The following UBE2O variants were observed in gnomAD, a reference collection of about 807,000 sequenced individuals.
UBE2O encodes the protein ubiquitin conjugating enzyme E2 O.
A neutral mutation model predicts 125.8 loss-of-function variants in UBE2O; 15 were observed. The observed-to-expected ratio is 0.12, with a 90% CI of 0.08 to 0.18. UBE2O has a LOEUF of 0.18. UBE2O is among the 10% of genes least tolerant of loss of function. UBE2O has a pLI of 1.00. For synonymous variants in UBE2O, 708 were observed against 703.2 expected, an observed-to-expected ratio of 1.01 and a Z score of -0.11; for missense variants, 1,280 against 1,723.6, an observed-to-expected ratio of 0.74 and a Z score of 4.56.
chr17:76,408,658 G>A (rs753736949), intron 1 of UBE2O, among the ~76,000 whole-genome samples: 19 of 152,350 alleles, frequency 1.2e-4, no homozygotes, highest in Admixed American at 2.0e-4. Flanking sequence ...CACTGACTGC[G>A]GATGCCTGCT....
intron 1 of UBE2O, among the ~76,000 whole-genome samples, chr17:76,428,747 G>GT (rs1486160685): frequency 6.6e-6 from 1 of 152,194 alleles, no homozygotes; most frequent in East Asian, 1.9e-4. Context: ...GCTGTTACAT[G>GT]TGGTTACATG....
At chr17:76,436,223 G>T (rs984115296) in intron 1 of UBE2O, among the ~76,000 whole-genome samples, 1 of 151,826 alleles carries the variant, frequency 6.6e-6, no homozygotes, top group East Asian at 1.9e-4. Flanking sequence ...CTCCAGCCTG[G>T]GCAACAAGAG....
rs1398017487 is a variant in UBE2O at position 76,402,008 on chromosome 17, C to T, written c.750+56G>A. On this transcript the variant is annotated intron_variant, in intron 5 of 17. Coordinates refer to ENST00000319380, the MANE Select transcript of UBE2O (RefSeq NM_022066.4). This position sits in a 1 kb window ranked among gnomAD's most constrained non-coding sequence, Gnocchi z 5.4. ...GTCCAGGTCTTTGCTACGAAGTCCT[C>T]CTTCCAGAGGACTGAGCAATCAGAG... 29 of 1,581,502 alleles carry T rather than the reference C, an allele frequency of 1.8e-5. No homozygotes were observed. Among genetic ancestry groups the T allele is most frequent in the Non-Finnish European group, 2.4e-5 (28 of 1,160,134 alleles).
chr17:76,438,400 A>G (rs2143879582), intron 1 of UBE2O, among the ~76,000 whole-genome samples: 1 of 152,246 alleles, frequency 6.6e-6, no homozygotes, highest in East Asian at 1.9e-4. Flanking sequence ...CGCTCTTCTG[A>G]TCACCTCAAA....
intron 1 of UBE2O, among the ~76,000 whole-genome samples, chr17:76,407,070 G>A (rs1240772319): frequency 6.6e-6 from 1 of 152,126 alleles, no homozygotes; most frequent in African/African-American, 2.4e-5. Context: ...AGGAACGTCA[G>A]GCAAACCACT....
At chr17:76,392,833 G>T (rs956911465) in intron 15 of UBE2O, among the ~76,000 whole-genome samples, 1 of 151,998 alleles carries the variant, frequency 6.6e-6, no homozygotes, top group African/African-American at 2.4e-5. Context: ...CATGCCTGCA[G>T]TCCCAGCTAC....
chr17:76,421,217 C>T (rs1286196086), intron 1 of UBE2O, among the ~76,000 whole-genome samples: 3 of 152,098 alleles, frequency 2.0e-5, no homozygotes, highest in African/African-American at 4.8e-5. Context: ...TGAGCCCAAC[C>T]GTAGGGAAAC....
chr17:76,453,144 C>G lies in UBE2O; in HGVS notation c.-3G>C. On this transcript the variant is annotated 5_prime_UTR_variant, in exon 1 of 18. Transcript: ENST00000319380. Reference sequence around the variant, plus strand: ...GTGGGGGCTGCGGGATCCGCCATAACTGCTCTGCGCGAGTCTCGGGCGGCG... The same window carrying G: ...GTGGGGGCTGCGGGATCCGCCATAAGTGCTCTGCGCGAGTCTCGGGCGGCG... 1.7e-6 allele frequency: 1 copy of G among 589,748 alleles called. No homozygotes were observed. Among genetic ancestry groups the G allele is most frequent in the Non-Finnish European group, 2.5e-6 (1 of 400,422 alleles). The allele number at this position is 589,748 out of a possible 1,614,324, so 36.5% of individuals were successfully genotyped here. A position where few individuals can be genotyped will look rare whatever the true frequency, so the allele number is the denominator to read the frequency against.
rs180959205 is a variant in UBE2O at position 76,422,110 on chromosome 17, A to C, written c.418-16538T>G. Among the ~76,000 whole-genome samples, 298 of 152,262 alleles carry C rather than the reference A, an allele frequency of 2.0e-3. 1 individual carries two copies. Among genetic ancestry groups the C allele is most frequent in the Non-Finnish European group, 3.4e-3 (233 of 68,028 alleles). On this transcript the variant is annotated intron_variant, in intron 1 of 17. Transcript: ENST00000319380. ...TGTTTTTGAGACCTCTATGTGTGATAAGTAATGGGACGTGTGCTAAGTAAC... is the reference window on the plus strand; with the variant it reads ...TGTTTTTGAGACCTCTATGTGTGATCAGTAATGGGACGTGTGCTAAGTAAC...
At position 76,452,831 on chromosome 17, in the gene UBE2O, G is replaced by A; in HGVS notation, c.311C>T (p.Ala104Val). 2.0e-6 allele frequency: 3 copies of A among 1,504,840 alleles called. No individual in the cohort carries two copies. 93.2% of individuals were successfully genotyped at this position (1,504,840 alleles called of 1,614,324 possible). The change falls in exon 1 of 18, where the codon GCC becomes GTC. Residue 104 changes from alanine (A) to valine (V), a missense_variant. Physicochemically the swap from Ala to Val is moderately conservative, Grantham distance 64. Coordinates refer to ENST00000319380, the MANE Select transcript of UBE2O (RefSeq NM_022066.4). The surrounding 1 kb of genome is among the most constrained non-coding windows in gnomAD (Gnocchi z 4.4). ...GCCCTCCTCGTGGCCCGCGCCCCCG[G>A]CCTCGGAGCACCCCGAGCTCCCGCG... ...EGRGSSGCSE[A>V]GGAGHEEGRA...
rs1246720199 is a variant in UBE2O, at chr17:76,410,872, G to A, written c.418-5300C>T. On this transcript the variant is annotated intron_variant, in intron 1 of 17. Coordinates refer to ENST00000319380, the MANE Select transcript of UBE2O (RefSeq NM_022066.4). This position sits in a 1 kb window ranked among gnomAD's most constrained non-coding sequence, Gnocchi z 4.0. ...GCAAAAGCAACTAGCTCGTCCTGCA[G>A]CTCCTGGTCCAGACTCTCATTCATA... 6.6e-6 allele frequency among the ~76,000 whole-genome samples: 1 copy of A among 152,204 alleles called. No individual in the cohort carries two copies. Among genetic ancestry groups the A allele is most frequent in the Admixed American group, 6.5e-5 (1 of 15,282 alleles).
chr17:76,442,364 A>G (rs2073087646), intron 1 of UBE2O, among the ~76,000 whole-genome samples: 2 of 152,198 alleles, frequency 1.3e-5, no homozygotes, highest in African/African-American at 2.4e-5. Context: ...CAACACACCT[A>G]GTACGGGGGG....
chr17:76,436,540 C>G (rs1248587965), intron 1 of UBE2O, among the ~76,000 whole-genome samples: 3 of 152,180 alleles, frequency 2.0e-5, no homozygotes, highest in Non-Finnish European at 4.4e-5. Flanking sequence ...TCCCTCCTTG[C>G]TGGACCCTGA....
intron 1 of UBE2O, among the ~76,000 whole-genome samples, chr17:76,408,078 C>T (rs917419723): frequency 8.5e-5 from 13 of 152,146 alleles, no homozygotes; most frequent in African/African-American, 3.1e-4. Flanking sequence ...TCCTATACCC[C>T]ACCCATACTG....
At position 76,401,605 on chromosome 17, in the gene UBE2O, G is replaced by A. The variant is rs143436337; in HGVS notation, c.751-451C>T. ...AATAAAAGTTCTAATACTGCCGGGCGCGGTGGCTCACGCCTGTAATCCCAG... is the reference window on the plus strand; with the variant it reads ...AATAAAAGTTCTAATACTGCCGGGCACGGTGGCTCACGCCTGTAATCCCAG... On this transcript the variant is annotated intron_variant, in intron 5 of 17. Transcript: ENST00000319380. 590 of 169,862 alleles carry A rather than the reference G, an allele frequency of 3.5e-3. 3 individuals are homozygous for A. Among genetic ancestry groups the A allele is most frequent in the African/African-American group, 0.013 (525 of 41,966 alleles). 10.5% of individuals were successfully genotyped at this position (169,862 alleles called of 1,614,324 possible). A position where few individuals can be genotyped will look rare whatever the true frequency, so the allele number is the denominator to read the frequency against.
chr17:76,440,831 G>A (rs909889935), intron 1 of UBE2O, among the ~76,000 whole-genome samples: 2 of 152,208 alleles, frequency 1.3e-5, no homozygotes, highest in Non-Finnish European at 2.9e-5. Context: ...CTGAGTTGTT[G>A]TGAAGGAGAC....
chr17:76,413,413 T>C (rs965989327), intron 1 of UBE2O, among the ~76,000 whole-genome samples: 2 of 152,146 alleles, frequency 1.3e-5, no homozygotes, highest in Admixed American at 6.5e-5. Flanking sequence ...TAGTGGGTTA[T>C]AGAACCAATT....
chr17:76,393,962 G>A (rs994558494), intron 15 of UBE2O, among the ~76,000 whole-genome samples: 3 of 152,136 alleles, frequency 2.0e-5, no homozygotes, highest in African/African-American at 7.2e-5. Flanking sequence ...TGAGATGTGG[G>A]GAAAACAGAA....
At chr17:76,445,040 A>G (rs918910761) in intron 1 of UBE2O, among the ~76,000 whole-genome samples, 2 of 152,198 alleles carry the variant, frequency 1.3e-5, no homozygotes, top group African/African-American at 4.8e-5. Context: ...GGGAGCTCCC[A>G]CAAAAAGGAC....
Sources: allele counts gnomAD v4.1 joint callset (sites outside exome capture counted in the v4.1 genomes callset), GRCh38; gene constraint gnomAD v4.1.1; non-coding constraint Gnocchi (gnomAD v3.1); transcripts MANE v1.5; gene names NCBI Gene and HGNC (gene_info 2026-07-23, HGNC 2026-07-21).